PEX14: variants seen among roughly 807,000 people sequenced by gnomAD.
PEX14 encodes peroxisomal biogenesis factor 14.
A neutral mutation model predicts 49.5 loss-of-function variants in PEX14; 15 were observed. The ratio of observed to expected loss-of-function variants is 0.30; its 90% CI spans 0.20 to 0.47. The LOEUF (loss-of-function observed/expected upper bound fraction) is 0.47. Among genes scored for constraint, PEX14 ranks in the 20% least tolerant of loss-of-function variants. The pLI, the probability that PEX14 is intolerant of heterozygous loss-of-function variation, is 1.00. For synonymous variants in PEX14, 210 were observed against 212.7 expected (o/e 0.99, Z 0.11); for missense variants, 398 against 494.8 (o/e 0.80, Z 1.86).
chr1:10,479,049 C>G (rs1641241637), intron 1 of PEX14, among the ~76,000 whole-genome samples: 1 of 151,974 alleles, frequency 6.6e-6, no homozygotes, highest in South Asian at 2.1e-4. Context: ...CTGTGCCTGG[C>G]CTGGCTAATG....
rs1417339108 is a variant in PEX14, at chr1:10,570,234, C to T, written c.170-29004C>T. Among the ~76,000 whole-genome samples the T allele has an allele frequency of 2.0e-5, 3 of 151,986 alleles. No individual in the cohort carries two copies. The South Asian group carries it at 6.2e-4, about 32-fold the overall frequency. On this transcript the variant is annotated intron_variant, in intron 3 of 8. Coordinates refer to ENST00000356607, the MANE Select transcript of PEX14 (RefSeq NM_004565.3). Reference sequence around the variant, plus strand: ...TTCTGTGTGTGTTCCCTTTTTTCCCCCACATTCCATTCTTGTTTCATTGAT... The same window carrying T: ...TTCTGTGTGTGTTCCCTTTTTTCCCTCACATTCCATTCTTGTTTCATTGAT...
intron 2 of PEX14, among the ~76,000 whole-genome samples, chr1:10,507,311 G>A (rs1641801228): frequency 6.6e-6 from 1 of 152,256 alleles, no homozygotes; most frequent in Non-Finnish European, 1.5e-5. Flanking sequence ...ACACTAGCGT[G>A]CGTGCGGGGC....
intron 2 of PEX14, among the ~76,000 whole-genome samples, chr1:10,504,323 C>T (rs1641740630): frequency 6.6e-6 from 1 of 152,164 alleles, no homozygotes; most frequent in South Asian, 2.1e-4. Flanking sequence ...AGAGATGGGG[C>T]CGACACTGAG....
chr1:10,603,076 G>C (rs1390224649), intron 4 of PEX14, among the ~76,000 whole-genome samples: 1 of 152,224 alleles, frequency 6.6e-6, no homozygotes, highest in African/African-American at 2.4e-5. Flanking sequence ...AGTGGCAGGT[G>C]TGCCACTGAG....
chr1:10,501,242 A>G (rs976318023), intron 2 of PEX14, among the ~76,000 whole-genome samples: 2 of 152,188 alleles, frequency 1.3e-5, no homozygotes, highest in Non-Finnish European at 2.9e-5. Flanking sequence ...TCGGGATGCA[A>G]GTGATTGGGG....
At chr1:10,516,387 A>G (rs1641970529) in intron 2 of PEX14, among the ~76,000 whole-genome samples, 2 of 152,168 alleles carry the variant, frequency 1.3e-5, no homozygotes, top group Admixed American at 6.5e-5. Flanking sequence ...ATGTTGTCCC[A>G]CTGGGTTTGC....
chr1:10,588,319 G>A (rs773529897), intron 3 of PEX14, among the ~76,000 whole-genome samples: 9 of 152,098 alleles, frequency 5.9e-5, no homozygotes, highest in African/African-American at 9.7e-5. Context: ...TGGGATTATA[G>A]GTGTCCACCA....
chr1:10,628,503 G>A lies in PEX14; in HGVS notation c.678-1028G>A, dbSNP rs1641816116. Reference sequence around the variant, plus strand: ...GCCACCCAACTTCCCGGTTTTCCCTGAGGAAAAGAACATGTCCTGGAAAGA... The same window carrying A: ...GCCACCCAACTTCCCGGTTTTCCCTAAGGAAAAGAACATGTCCTGGAAAGA... On this transcript the variant is annotated intron_variant, in intron 8 of 8. Transcript: ENST00000356607. This position sits in a 1 kb window ranked among gnomAD's most constrained non-coding sequence, Gnocchi z 4.5. Among the ~76,000 whole-genome samples the A allele has an allele frequency of 6.6e-6, 1 of 152,262 alleles. No homozygotes were observed. The highest frequency in any genetic ancestry group is 2.4e-5 in the African/African-American group (1 of 41,472).
At chr1:10,577,652 C>T (rs112436634) in intron 3 of PEX14, among the ~76,000 whole-genome samples, 31,571 of 114,892 alleles carry the variant, frequency 0.27, 4,702 homozygotes, top group Admixed American at 0.36. Flanking sequence ...AGTCCAGTGG[C>T]GCAATCTCGG....
At chr1:10,478,944 T>A (rs940422037) in intron 1 of PEX14, among the ~76,000 whole-genome samples, 11 of 151,658 alleles carry the variant, frequency 7.3e-5, no homozygotes, top group African/African-American at 2.7e-4. Context: ...GTAGAGACGA[T>A]GTTTCACCGT....
chr1:10,475,903 A>G (rs1385822163), intron 1 of PEX14, among the ~76,000 whole-genome samples: 1 of 152,226 alleles, frequency 6.6e-6, no homozygotes, highest in African/African-American at 2.4e-5. Flanking sequence ...AGTGCAGGCT[A>G]CTAACCTCCA....
intron 2 of PEX14, among the ~76,000 whole-genome samples, chr1:10,502,061 G>A (rs1006246131): frequency 6.6e-6 from 1 of 152,086 alleles, no homozygotes; most frequent in African/African-American, 2.4e-5. Context: ...ATGGGCTCAC[G>A]GTGCACTTCA....
At chr1:10,609,570 T>A (rs1167189899) in intron 4 of PEX14, among the ~76,000 whole-genome samples, 2 of 152,208 alleles carry the variant, frequency 1.3e-5, no homozygotes, top group African/African-American at 2.4e-5. Context: ...TCTGTCACTG[T>A]AGTTCCTTGT....
At chr1:10,625,478 A>G (rs552081737) in intron 7 of PEX14, among the ~76,000 whole-genome samples, 1 of 152,312 alleles carries the variant, frequency 6.6e-6, no homozygotes, top group East Asian at 1.9e-4. Flanking sequence ...AAACCATGAA[A>G]ATGACAATCT....
chr1:10,518,372 C>T (rs547837915), intron 2 of PEX14, among the ~76,000 whole-genome samples: 5 of 152,258 alleles, frequency 3.3e-5, no homozygotes, highest in East Asian at 3.9e-4. Context: ...ATGGCAAACC[C>T]GATGCCAGGG....
chr1:10,549,954 T>C (rs572982341), intron 3 of PEX14, among the ~76,000 whole-genome samples: 1 of 152,338 alleles, frequency 6.6e-6, no homozygotes, highest in Admixed American at 6.5e-5. Flanking sequence ...CATCCATCCA[T>C]CCATCCATCT....
chr1:10,615,195 A>C (rs1641378781), intron 4 of PEX14, among the ~76,000 whole-genome samples: 1 of 152,198 alleles, frequency 6.6e-6, no homozygotes, highest in Non-Finnish European at 1.5e-5. Context: ...TAGATTGATA[A>C]ATTTGTATAA....
At chr1:10,535,809 G>A (rs1274979848) in intron 2 of PEX14, 17 of 343,860 alleles carry the variant, frequency 4.9e-5, no homozygotes, top group Admixed American at 1.2e-4. Flanking sequence ...GTACGTGCGC[G>A]TGGGGTAACG....
intron 3 of PEX14, among the ~76,000 whole-genome samples, chr1:10,570,756 C>T (rs1639946797): frequency 6.6e-6 from 1 of 151,512 alleles, no homozygotes; most frequent in Non-Finnish European, 1.5e-5. Context: ...TCCTTCCTAA[C>T]ATGTAAGTGT....
Sources: gnomAD v4.1 joint callset for allele counts (sites outside exome capture counted in the v4.1 genomes callset) on GRCh38, gnomAD v4.1.1 for gene constraint, Gnocchi (gnomAD v3.1) non-coding constraint, MANE v1.5 for transcripts, NCBI Gene and HGNC (gene_info 2026-07-23, HGNC 2026-07-21) for gene names.